Variants in NOSTRIN observed in about 807,000 individuals in gnomAD.
NOSTRIN encodes the protein BM247 homolog.
Under a neutral mutation model 59.0 loss-of-function variants are expected in NOSTRIN, and 63 were observed. The observed-to-expected ratio is 1.07, with a 90% CI of 0.87 to 1.32. NOSTRIN has a LOEUF of 1.32. Among genes scored for constraint, NOSTRIN ranks in the 40% most tolerant of loss-of-function variants. The pLI is 0.00. For missense variants in NOSTRIN, 512 were observed against 473.1 expected, an observed-to-expected ratio of 1.08 and a Z score of -0.76; for synonymous variants, 200 against 165.4, an observed-to-expected ratio of 1.21 and a Z score of -1.61.
At chr2:168,860,975 T>G in intron 14 of NOSTRIN, 66 bp downstream of exon 14, 3 of 1,055,420 alleles carry the variant, frequency 2.8e-6, no homozygotes, top group Non-Finnish European at 4.4e-6. Context: ...TACATTTAAA[T>G]TTTAGTTTCA....
Position 168,865,050 on chromosome 2 carries a change from C to CA in NOSTRIN, c.*80_*81insA. On this transcript the variant is annotated 3_prime_UTR_variant, in exon 16 of 16. Coordinates refer to ENST00000317647, the MANE Select transcript of NOSTRIN (RefSeq NM_001039724.4). The stretch of plus-strand genomic sequence containing the variant: ...TTCAAATAAGAATAAAGTGCTCTTA[C>CA]CTTTACATGTTTTTCTTTTGAAATG... The CA allele has an allele frequency of 3.4e-6, 5 of 1,471,420 alleles. No homozygotes were observed. Among genetic ancestry groups the CA allele is most frequent in the Non-Finnish European group, 3.7e-6 (4 of 1,080,436 alleles). 91.1% of individuals were successfully genotyped at this position (1,471,420 alleles called of 1,614,324 possible).
At chr2:168,788,068 A>G (rs897099291) in intron 2 of NOSTRIN, 2 of 152,100 alleles carry the variant, frequency 1.3e-5, no homozygotes, top group Non-Finnish European at 2.9e-5. Context: ...AAGAAAAAAA[A>G]AATGATGTAA....
chr2:168,795,904 G>T (rs1274628766), upstream of NOSTRIN, among the ~76,000 whole-genome samples: 1 of 152,178 alleles, frequency 6.6e-6, no homozygotes, highest in Non-Finnish European at 1.5e-5. Context: ...TTCTAAGTTG[G>T]ATAGTTTTTT....
intron 13 of NOSTRIN, among the ~76,000 whole-genome samples, chr2:168,860,468 C>T (rs530050184): frequency 2.0e-5 from 3 of 152,198 alleles, no homozygotes; most frequent in East Asian, 1.9e-4. Context: ...GTCAGGAGTT[C>T]GAGAGCAGCC....
upstream of NOSTRIN, among the ~76,000 whole-genome samples, chr2:168,796,169 A>G (rs998835426): frequency 2.6e-5 from 4 of 152,224 alleles, no homozygotes; most frequent in African/African-American, 9.6e-5. Flanking sequence ...CATGGCACTC[A>G]TGTGCATGCA....
rs756381301 is a variant in NOSTRIN, at chr2:168,834,507, G to GCGCGCACA, written c.504+183_504+184insGCGCACAC. Among the ~76,000 whole-genome samples, 1,000 of 125,378 alleles carry GCGCGCACA rather than the reference G, an allele frequency of 8.0e-3. 10 individuals carry two copies. Among genetic ancestry groups the GCGCGCACA allele is most frequent in the Middle Eastern group, 0.017 (4 of 238 alleles). The allele number at this position is 125,378 out of a possible 152,430, so 82.3% of individuals were successfully genotyped here. ...TACTGGCGTGCGCGCGCGCGCGCGC[G>GCGCGCACA]CACACACACACACACACACACACAC... On this transcript the variant is annotated intron_variant, in intron 7 of 15. Coordinates refer to ENST00000317647, the MANE Select transcript of NOSTRIN (RefSeq NM_001039724.4).
At chr2:168,827,851 A>G (rs1335102292) in intron 3 of NOSTRIN, among the ~76,000 whole-genome samples, 1 of 151,824 alleles carries the variant, frequency 6.6e-6, no homozygotes, top group Admixed American at 6.6e-5. Flanking sequence ...TGGGATTTAC[A>G]GGCACTTTAG....
At position 168,840,089 on chromosome 2, in the gene NOSTRIN, T is replaced by G. The variant is rs145451379; in HGVS notation, c.505-2903T>G. Among the ~76,000 whole-genome samples, 1,038 of 151,948 alleles carry G rather than the reference T, an allele frequency of 6.8e-3. 9 individuals carry two copies. The highest frequency in any genetic ancestry group is 0.011 in the Non-Finnish European group (716 of 67,946). On this transcript the variant is annotated intron_variant, in intron 7 of 15. Transcript: ENST00000317647. ...AACTCAGTTCTCATTCCTGGGGTGC[T>G]GAGCATTCTCAATAAGAATCCGAGG...
rs1689786698 is a variant in NOSTRIN, at chr2:168,865,149, G to A, written c.*179G>A. 7.4e-6 allele frequency: 5 copies of A among 672,362 alleles called. No homozygotes were observed. Among genetic ancestry groups the A allele is most frequent in the Non-Finnish European group, 9.7e-6 (4 of 410,846 alleles). The allele number at this position is 672,362 out of a possible 1,614,324, so 41.6% of individuals were successfully genotyped here. ...GCTTGAAACAGTCAGAAAAAAGATG[G>A]ATGGGTGGAGACAGACAAGGAAGAG... On this transcript the variant is annotated 3_prime_UTR_variant, in exon 16 of 16. Transcript: ENST00000317647.
intron 6 of NOSTRIN, 51 bp downstream of exon 6, chr2:168,831,585 T>G (rs1687366128): frequency 1.2e-6 from 1 of 817,184 alleles, no homozygotes; most frequent in South Asian, 1.4e-5. Context: ...AGAATTGAAG[T>G]GTTTTGCTTT....
At chr2:168,844,712 T>C (rs1043160895) in intron 8 of NOSTRIN, among the ~76,000 whole-genome samples, 3 of 151,742 alleles carry the variant, frequency 2.0e-5, no homozygotes, top group Non-Finnish European at 4.4e-5. Context: ...CTACTAAAAA[T>C]AGAAAAAATT....
intron 2 of NOSTRIN, among the ~76,000 whole-genome samples, chr2:168,791,960 T>C (rs977312639): frequency 3.9e-5 from 6 of 152,280 alleles, no homozygotes; most frequent in Non-Finnish European, 5.9e-5. Flanking sequence ...GGTAGTTTCT[T>C]TTGCTGTGCA....
At chr2:168,839,746 C>T (rs903561272) in intron 7 of NOSTRIN, among the ~76,000 whole-genome samples, 47 of 151,286 alleles carry the variant, frequency 3.1e-4, no homozygotes, top group African/African-American at 1.1e-3. Flanking sequence ...AAATCCTGGG[C>T]GTGGTGGCAC....
intron 10 of NOSTRIN, among the ~76,000 whole-genome samples, chr2:168,851,694 T>C (rs952958652): frequency 1.3e-5 from 2 of 152,214 alleles, no homozygotes; most frequent in African/African-American, 4.8e-5. Context: ...GACCTATAAT[T>C]AATCACTGTA....
intron 8 of NOSTRIN, among the ~76,000 whole-genome samples, chr2:168,846,476 G>A (rs1465073618): frequency 6.6e-6 from 1 of 152,192 alleles, no homozygotes; most frequent in Non-Finnish European, 1.5e-5. Context: ...AGTAGATACT[G>A]TGAGAAATAT....
chr2:168,851,536 T>A lies in NOSTRIN; in HGVS notation c.855+132T>A, dbSNP rs573629089. ...TGATTTCTCATACCCCATATAAATT[T>A]AAAAAACCCAGCATTCTAGTTTACA... On this transcript the variant is annotated intron_variant, in intron 10 of 15. Coordinates refer to ENST00000317647, the MANE Select transcript of NOSTRIN (RefSeq NM_001039724.4). The A allele has an allele frequency of 2.3e-4, 306 of 1,335,180 alleles. 1 individual carries two copies. In the African/African-American group the frequency reaches 4.1e-3, roughly 18 times the overall value. The allele number at this position is 1,335,180 out of a possible 1,614,324, so 82.7% of individuals were successfully genotyped here. A position where few individuals can be genotyped will look rare whatever the true frequency, so the allele number is the denominator to read the frequency against.
At position 168,810,341 on chromosome 2, in the gene NOSTRIN, T is replaced by C. The variant is rs376160330; in HGVS notation, c.28-1226T>C. ...ATATGGTAAGACTGTTCCTGTATCC[T>C]AGGCGTTGGTTTGTTCCATCCCCAA... On this transcript the variant is annotated intron_variant, in intron 1 of 15. Transcript: ENST00000317647. 1.4e-4 allele frequency among the ~76,000 whole-genome samples: 22 copies of C among 152,352 alleles called. 1 individual carries two copies. Among genetic ancestry groups the C allele is most frequent in the African/African-American group, 4.8e-4 (20 of 41,588 alleles).
At chr2:168,812,947 T>C (rs771497524) in intron 2 of NOSTRIN, among the ~76,000 whole-genome samples, 2 of 152,320 alleles carry the variant, frequency 1.3e-5, no homozygotes, top group South Asian at 4.1e-4. Context: ...AAGAAAGATA[T>C]GAGCGAGCTG....
intron 1 of NOSTRIN, among the ~76,000 whole-genome samples, chr2:168,808,041 A>G (rs1685951027): frequency 6.6e-6 from 1 of 152,206 alleles, no homozygotes; most frequent in African/African-American, 2.4e-5. Context: ...ATAAACTTTC[A>G]GCATGGCCTA....
Sources: gnomAD v4.1 joint callset for allele counts (sites outside exome capture counted in the v4.1 genomes callset) on GRCh38, gnomAD v4.1.1 for gene constraint, MANE v1.5 for transcripts, NCBI Gene and HGNC (gene_info 2026-07-23, HGNC 2026-07-21) for gene names.